The following CCSER1 variants were observed in gnomAD, a reference collection of about 807,000 sequenced individuals.
The protein encoded by CCSER1 is serine-rich coiled-coil domain-containing protein 1.
In CCSER1, 41 loss-of-function variants were observed where a neutral mutation model predicts 82.0. That is an observed-to-expected ratio of 0.50 (90% CI 0.39 to 0.65). The LOEUF (loss-of-function observed/expected upper bound fraction) is 0.65, where lower values mean the gene tolerates loss of function less well. Ranked by LOEUF, CCSER1 falls within the 30% of genes least tolerant of loss-of-function variation. The pLI, the probability that CCSER1 is intolerant of heterozygous loss-of-function variation, is 0.00. For missense variants in CCSER1, 1,119 were observed against 1,064.2 expected, an observed-to-expected ratio of 1.05 and a Z score of -0.72; for synonymous variants, 414 against 383.9, an observed-to-expected ratio of 1.08 and a Z score of -0.92.
At chr4:91,324,982 G>A (rs921166077) in intron 10 of CCSER1, 1 of 339,752 alleles carries the variant, frequency 2.9e-6, no homozygotes, top group African/African-American at 2.2e-5. Context: ...GAGGTGATTG[G>A]ATCATGAAGG....
At chr4:90,519,006 TTA>T (rs1772696813) in intron 5 of CCSER1, among the ~76,000 whole-genome samples, 1 of 151,964 alleles carries the variant, frequency 6.6e-6, no homozygotes, top group East Asian at 1.9e-4. Context: ...ATAAGTAGAA[TTA>T]TTACATGAAA....
intron 10 of CCSER1, among the ~76,000 whole-genome samples, chr4:91,443,193 A>G (rs1475338609): frequency 6.6e-6 from 1 of 152,130 alleles, no homozygotes; most frequent in Non-Finnish European, 1.5e-5. Flanking sequence ...TTGCGGCACT[A>G]TTCATAATAG....
intron 1 of CCSER1, among the ~76,000 whole-genome samples, chr4:90,202,753 C>T (rs1451338007): frequency 1.3e-5 from 2 of 152,110 alleles, no homozygotes; most frequent in Non-Finnish European, 2.9e-5. Context: ...ATGGCAAGTC[C>T]GTCACATTTA....
intron 4 of CCSER1, among the ~76,000 whole-genome samples, chr4:90,466,399 C>G (rs1194604662): frequency 6.6e-6 from 1 of 152,190 alleles, no homozygotes; most frequent in Non-Finnish European, 1.5e-5. Flanking sequence ...GTCACAACAG[C>G]TAGCAAGGTA....
intron 5 of CCSER1, among the ~76,000 whole-genome samples, chr4:90,625,885 T>C (rs569379914): frequency 4.3e-4 from 65 of 152,208 alleles, no homozygotes; most frequent in Non-Finnish European, 8.5e-4. Flanking sequence ...TATTCAAATT[T>C]GTGAATGTTA....
intron 7 of CCSER1, chr4:90,781,866 T>C (rs1753822678): frequency 1.2e-5 from 11 of 931,736 alleles, no homozygotes; most frequent in Non-Finnish European, 1.4e-5. Context: ...AGTTTATTTA[T>C]GAAAGACAGT....
rs1239390662 is a variant in CCSER1, at chr4:91,092,808, G to T, written c.2217+6814G>T. On this transcript the variant is annotated intron_variant, in intron 10 of 10. Coordinates refer to ENST00000509176, the MANE Select transcript of CCSER1 (RefSeq NM_001145065.2). Reference sequence around the variant, plus strand: ...ATCAGGTGTTTGAGGGAGTAGGGGGGCTGTGACTGATGCCCGGTAAGGAGT... The same window carrying T: ...ATCAGGTGTTTGAGGGAGTAGGGGGTCTGTGACTGATGCCCGGTAAGGAGT... 2.0e-5 allele frequency among the ~76,000 whole-genome samples: 3 copies of T among 152,220 alleles called. 1 individual carries two copies. Among genetic ancestry groups the T allele is most frequent in the Admixed American group, 1.3e-4 (2 of 15,294 alleles).
At chr4:91,361,458 T>A (rs1749238720) in intron 10 of CCSER1, among the ~76,000 whole-genome samples, 1 of 151,706 alleles carries the variant, frequency 6.6e-6, no homozygotes, top group African/African-American at 2.4e-5. Context: ...ATGATTAGAG[T>A]CTTAACTAAT....
rs531583182 is a variant in CCSER1, at chr4:91,167,384, C to A, written c.2217+81390C>A. ...TATTTTCAGTAGAGACAGGGTTTCA[C>A]CATCTTGGCCAGGCTGGTCTTGAAC... On this transcript the variant is annotated intron_variant, in intron 10 of 10. Coordinates refer to ENST00000509176, the MANE Select transcript of CCSER1 (RefSeq NM_001145065.2). Among the ~76,000 whole-genome samples, 26 of 152,112 alleles carry A rather than the reference C, an allele frequency of 1.7e-4. No homozygotes were observed. In the South Asian group the frequency reaches 5.2e-3, roughly 30 times the overall value.
chr4:90,800,444 G>T (rs1756654770), intron 7 of CCSER1, among the ~76,000 whole-genome samples: 1 of 151,938 alleles, frequency 6.6e-6, no homozygotes, highest in Non-Finnish European at 1.5e-5. Context: ...ATTGTGGGAG[G>T]AGACATGTAA....
chr4:90,573,237 A>G (rs1479680442), intron 5 of CCSER1, among the ~76,000 whole-genome samples: 1 of 152,244 alleles, frequency 6.6e-6, no homozygotes, highest in Non-Finnish European at 1.5e-5. Context: ...AGCTGCATCC[A>G]GTGCAATGCT....
Position 91,075,381 on chromosome 4 carries a change from T to C in CCSER1, c.2173-10569T>C, listed in dbSNP as rs564864478. Among the ~76,000 whole-genome samples the C allele has an allele frequency of 4.6e-5, 7 of 152,196 alleles. No homozygotes were observed. In the East Asian group the frequency reaches 5.8e-4, roughly 13 times the overall value. ...TGAGAAATATGTATACTGAGGGAAA[T>C]GAATTTTTTCCAACCACATCCCCCA... On this transcript the variant is annotated intron_variant, in intron 9 of 10. Coordinates refer to ENST00000509176, the MANE Select transcript of CCSER1 (RefSeq NM_001145065.2).
At chr4:91,335,936 C>T (rs966854697) in intron 10 of CCSER1, among the ~76,000 whole-genome samples, 5 of 151,938 alleles carry the variant, frequency 3.3e-5, no homozygotes, top group Non-Finnish European at 7.4e-5. Context: ...ATCACAAAAC[C>T]ATTTTTGGCC....
At chr4:91,140,645 T>A (rs1031872645) in intron 10 of CCSER1, among the ~76,000 whole-genome samples, 5 of 152,172 alleles carry the variant, frequency 3.3e-5, no homozygotes, top group African/African-American at 1.2e-4. Context: ...ATTACTCAGC[T>A]GGAGTGACAT....
At chr4:90,989,223 C>T (rs1044643281) in intron 9 of CCSER1, among the ~76,000 whole-genome samples, 1 of 151,700 alleles carries the variant, frequency 6.6e-6, no homozygotes, top group African/African-American at 2.4e-5. Context: ...AATCATGGAG[C>T]CTGCGTGTTT....
At chr4:90,788,489 G>T (rs1754817773) in intron 7 of CCSER1, among the ~76,000 whole-genome samples, 1 of 152,094 alleles carries the variant, frequency 6.6e-6, no homozygotes, top group Non-Finnish European at 1.5e-5. Context: ...CCTCAAGCCT[G>T]GTATCTGGTA....
At chr4:90,184,552 T>C (rs1734271773) in intron 1 of CCSER1, among the ~76,000 whole-genome samples, 1 of 152,134 alleles carries the variant, frequency 6.6e-6, no homozygotes, top group African/African-American at 2.4e-5. Context: ...TGTAGCAGTA[T>C]TTTATTGAAA....
chr4:91,067,490 C>A (rs144332403), intron 9 of CCSER1, among the ~76,000 whole-genome samples: 81 of 152,044 alleles, frequency 5.3e-4, no homozygotes, highest in African/African-American at 1.9e-3. Context: ...GGACTACAGG[C>A]CTGCCCTACC....
At chr4:90,852,059 A>G (rs114513181) in intron 8 of CCSER1, among the ~76,000 whole-genome samples, 3,300 of 152,312 alleles carry the variant, frequency 0.022, 103 homozygotes, top group African/African-American at 0.07. Flanking sequence ...ATTATTAACT[A>G]TAACAGTAGT....
Sources: allele counts gnomAD v4.1 joint callset (sites outside exome capture counted in the v4.1 genomes callset), GRCh38; gene constraint gnomAD v4.1.1; transcripts MANE v1.5; gene names NCBI Gene and HGNC (gene_info 2026-07-23, HGNC 2026-07-21).